Variants in AP2A2 observed in about 807,000 individuals in gnomAD.
AP2A2 encodes adaptor related protein complex 2 subunit alpha 2, also known as AP-2 complex subunit alpha-2.
AP2A2 carries 32 observed loss-of-function variants against 104.2 expected under a neutral mutation model. That is an observed-to-expected ratio of 0.31 (90% CI 0.23 to 0.41). The LOEUF (loss-of-function observed/expected upper bound fraction) is 0.41. Ranked by LOEUF, AP2A2 falls within the 10% of genes least tolerant of loss-of-function variation. The probability of loss-of-function intolerance (pLI) is 1.00; values close to 1 mark genes in which losing one functional copy is unlikely to be tolerated. For synonymous variants in AP2A2, 539 were observed against 533.3 expected (o/e 1.01, Z -0.15); for missense variants, 912 against 1,261.0 (o/e 0.72, Z 4.19).
intron 16 of AP2A2, among the ~76,000 whole-genome samples, chr11:1,004,897 T>C (rs1346415592): frequency 2.6e-5 from 4 of 152,154 alleles, no homozygotes; most frequent in Admixed American, 1.3e-4. Context: ...CTGGTGGGAA[T>C]GTACAGTAGT....
At chr11:959,072 C>G (rs549164278) in intron 1 of AP2A2, among the ~76,000 whole-genome samples, 1 of 152,198 alleles carries the variant, frequency 6.6e-6, no homozygotes. Flanking sequence ...TAGCGGATGA[C>G]GATTTATCAT....
chr11:1,003,588 T>G, intron 15 of AP2A2, 134 bp from the exon 16 acceptor site: 1 of 555,588 alleles, frequency 1.8e-6, no homozygotes, highest in South Asian at 2.8e-5. Context: ...TGGAATAGTT[T>G]CCACTTTTTT....
chr11:982,100 G>C (rs1044662648), intron 6 of AP2A2, among the ~76,000 whole-genome samples: 1 of 152,206 alleles, frequency 6.6e-6, no homozygotes, highest in African/African-American at 2.4e-5. Flanking sequence ...GCCCAGGCTA[G>C]AGTGCAGTGG....
Position 985,469 on chromosome 11 carries a change from G to A in AP2A2, c.849G>A (p.Leu283=). The change falls in exon 8 of 22, where the codon CTG becomes CTA. Residue 283 remains leucine, a synonymous_variant. Transcript: ENST00000448903. ...PAVRGRLTEC[L]ETILNKAQEP... The stretch of plus-strand genomic sequence containing the variant: ...TGCGAGGCCGCCTGACTGAGTGCCT[G>A]GAGACCATCCTGAACAAAGCCCAAG... 1 of 1,613,948 alleles carries A rather than the reference G, an allele frequency of 6.2e-7. No homozygotes were observed.
intron 17 of AP2A2, chr11:1,007,789 A>T: frequency 1.6e-6 from 1 of 621,542 alleles, no homozygotes; most frequent in Non-Finnish European, 2.8e-6. Context: ...GTGACTTTTT[A>T]AAATGGAGGA....
intron 15 of AP2A2, among the ~76,000 whole-genome samples, chr11:1,002,777 T>A (rs1389287630): frequency 6.6e-6 from 1 of 152,262 alleles, no homozygotes; most frequent in African/African-American, 2.4e-5. Flanking sequence ...GGAGACTGGC[T>A]GCAGGAGTGG....
At chr11:976,662 G>A (rs1168863270) in intron 4 of AP2A2, among the ~76,000 whole-genome samples, 1 of 151,922 alleles carries the variant, frequency 6.6e-6, no homozygotes, top group Non-Finnish European at 1.5e-5. Context: ...GTGTGGCCCA[G>A]CCCACTGTTC....
intron 6 of AP2A2, among the ~76,000 whole-genome samples, chr11:981,872 G>A (rs1278316169): frequency 6.6e-6 from 1 of 152,230 alleles, no homozygotes; most frequent in African/African-American, 2.4e-5. Context: ...CCATGTGCAC[G>A]AGATGGCTCA....
rs530620438 is a variant in AP2A2, at chr11:1,008,980, C to T, written c.2421-120C>T. 6.7e-5 allele frequency: 53 copies of T among 792,524 alleles called. 2 individuals carry two copies. Among genetic ancestry groups the T allele is most frequent in the East Asian group, 1.6e-4 (6 of 37,410 alleles). The allele number at this position is 792,524 out of a possible 1,614,324, so 49.1% of individuals were successfully genotyped here. A position where few individuals can be genotyped will look rare whatever the true frequency, so the allele number is the denominator to read the frequency against. The stretch of plus-strand genomic sequence containing the variant: ...CGTGGGGACTGAAGGCTCGGCCCCC[C>T]GACCCGCTCTGGTGGGTGGCAGTAG... On this transcript the variant is annotated intron_variant, in intron 18 of 21. Transcript: ENST00000448903.
At chr11:941,713 A>T (rs1412551669) in intron 1 of AP2A2, among the ~76,000 whole-genome samples, 1 of 149,934 alleles carries the variant, frequency 6.7e-6, no homozygotes, top group East Asian at 2.0e-4. Context: ...TCAGCCTCCC[A>T]AGTAGCTGGG....
At chr11:944,133 G>A (rs1367437171) in intron 1 of AP2A2, among the ~76,000 whole-genome samples, 3 of 152,206 alleles carry the variant, frequency 2.0e-5, no homozygotes, top group East Asian at 1.9e-4. Flanking sequence ...GAGGAAAAGC[G>A]GACAGGTCGA....
chr11:949,997 G>A (rs1391940944), intron 1 of AP2A2, among the ~76,000 whole-genome samples: 2 of 152,124 alleles, frequency 1.3e-5, no homozygotes, highest in East Asian at 3.8e-4. Flanking sequence ...GATTAAGATA[G>A]TATAATACTG....
intron 8 of AP2A2, among the ~76,000 whole-genome samples, 186 bp from the exon 9 acceptor site, chr11:986,597 CAG>C (rs1429813135): frequency 2.0e-5 from 3 of 152,192 alleles, no homozygotes; most frequent in Admixed American, 6.5e-5. Context: ...AAATGGATGT[CAG>C]GGGTGGGGGT....
intron 15 of AP2A2, among the ~76,000 whole-genome samples, chr11:1,003,310 C>T (rs979162817): frequency 2.0e-5 from 3 of 152,170 alleles, no homozygotes; most frequent in Non-Finnish European, 2.9e-5. Flanking sequence ...TGTGCATCAG[C>T]GGGGAGCAGC....
intron 5 of AP2A2, among the ~76,000 whole-genome samples, chr11:978,710 C>G (rs1425176139): frequency 1.3e-5 from 2 of 152,196 alleles, no homozygotes; most frequent in South Asian, 4.1e-4. Context: ...CAGCGAAGGC[C>G]TGAGGCTTGG....
intron 16 of AP2A2, among the ~76,000 whole-genome samples, chr11:1,004,191 C>A (rs1418206264): frequency 6.6e-6 from 1 of 152,218 alleles, no homozygotes; most frequent in African/African-American, 2.4e-5. Context: ...AACAAACAAG[C>A]AGCCTGTGCA....
At chr11:965,379 G>A (rs1171807618) in intron 2 of AP2A2, among the ~76,000 whole-genome samples, 1 of 152,212 alleles carries the variant, frequency 6.6e-6, no homozygotes, top group Non-Finnish European at 1.5e-5. Context: ...CTTCAGTAGT[G>A]CAGTGAACTT....
At chr11:937,691 T>C (rs972218320) in intron 1 of AP2A2, among the ~76,000 whole-genome samples, 2 of 152,134 alleles carry the variant, frequency 1.3e-5, no homozygotes, top group African/African-American at 4.8e-5. Context: ...ATTGAATATC[T>C]CATGTAATTT....
chr11:939,247 CAAAAA>C (rs546835879), intron 1 of AP2A2, among the ~76,000 whole-genome samples: 1 of 51,488 alleles, frequency 1.9e-5, no homozygotes. Context: ...GACTCTGTCT[CAAAAA>C]AAAAAAAAAA....
Sources: gnomAD v4.1 joint callset for allele counts (sites outside exome capture counted in the v4.1 genomes callset) on GRCh38, gnomAD v4.1.1 for gene constraint, MANE v1.5 for transcripts, NCBI Gene and HGNC (gene_info 2026-07-23, HGNC 2026-07-21) for gene names.